KLF12: variants seen among roughly 807,000 people sequenced by gnomAD.
KLF12 encodes KLF transcription factor 12.
In KLF12, 9 loss-of-function variants were observed where a neutral mutation model predicts 37.8. The observed-to-expected ratio is 0.24, with a 90% CI of 0.14 to 0.42. KLF12 has a LOEUF of 0.42. Ranked by LOEUF, KLF12 falls within the 10% of genes least tolerant of loss-of-function variation. The probability of loss-of-function intolerance (pLI) is 1.00; values close to 1 mark genes in which losing one functional copy is unlikely to be tolerated. For missense variants in KLF12, 411 were observed against 516.0 expected (o/e 0.80, Z 1.97); for synonymous variants, 208 against 202.1 (o/e 1.03, Z -0.25).
chr13:73,998,548 T>C (rs1245264802), intron 1 of KLF12, among the ~76,000 whole-genome samples: 1 of 152,248 alleles, frequency 6.6e-6, no homozygotes, highest in Non-Finnish European at 1.5e-5. Flanking sequence ...TCATTAGTTA[T>C]GATCTTGTGT....
At chr13:73,963,942 G>A (rs1186015554) in intron 2 of KLF12, among the ~76,000 whole-genome samples, 1 of 152,188 alleles carries the variant, frequency 6.6e-6, no homozygotes, top group Non-Finnish European at 1.5e-5. Context: ...AATAACAGAT[G>A]AGAAGAAAAC....
the KLF12 span, among the ~76,000 whole-genome samples, chr13:74,242,848 G>A: frequency 6.6e-6 from 1 of 152,164 alleles, no homozygotes; most frequent in South Asian, 2.1e-4. Context: ...TCAGAGCCAC[G>A]TGTACATAGA....
chr13:73,996,904 G>A (rs573986332), intron 1 of KLF12, among the ~76,000 whole-genome samples: 76 of 152,304 alleles, frequency 5.0e-4, no homozygotes, highest in African/African-American at 1.8e-3. Flanking sequence ...GGATGAAACT[G>A]ATCAGAGGTA....
At chr13:74,264,991 A>G in the KLF12 span, among the ~76,000 whole-genome samples, 1 of 152,218 alleles carries the variant, frequency 6.6e-6, no homozygotes, top group Admixed American at 6.5e-5. Context: ...GAAAATTAAG[A>G]TGCCATAAAT....
At chr13:73,700,148 T>C (rs1212490807) in intron 7 of KLF12, among the ~76,000 whole-genome samples, 1 of 151,990 alleles carries the variant, frequency 6.6e-6, no homozygotes, top group East Asian at 1.9e-4. Flanking sequence ...GCATCTGTAG[T>C]CCCAGCTACT....
At chr13:74,051,071 T>C (rs958016408) in intron 1 of KLF12, among the ~76,000 whole-genome samples, 16 of 152,252 alleles carry the variant, frequency 1.1e-4, no homozygotes, top group African/African-American at 3.1e-4. Flanking sequence ...GGGAACCGTT[T>C]TACACTGCTG....
intron 1 of KLF12, among the ~76,000 whole-genome samples, chr13:74,067,416 A>G (rs1339710451): frequency 6.6e-6 from 1 of 152,254 alleles, no homozygotes; most frequent in Non-Finnish European, 1.5e-5. Context: ...AGATATAACA[A>G]AAGCAAAGAC....
chr13:74,136,040 G>C (rs559206325), upstream of KLF12, among the ~76,000 whole-genome samples: 4 of 152,292 alleles, frequency 2.6e-5, no homozygotes, highest in East Asian at 5.8e-4. Flanking sequence ...CTAGAGGAGG[G>C]GTCCCACAGC....
intron 1 of KLF12, among the ~76,000 whole-genome samples, chr13:74,046,539 A>G (rs1411523913): frequency 6.6e-6 from 1 of 152,114 alleles, no homozygotes; most frequent in Non-Finnish European, 1.5e-5. Context: ...TCCATCCAGG[A>G]AAAAAGAAGA....
intron 3 of KLF12, among the ~76,000 whole-genome samples, chr13:73,925,457 G>A (rs1351730615): frequency 6.6e-6 from 1 of 152,156 alleles, no homozygotes. Flanking sequence ...AGTATTTTAA[G>A]CTCACTATTA....
chr13:73,868,331 G>GC (rs1555317374), intron 3 of KLF12, among the ~76,000 whole-genome samples: 1 of 133,202 alleles, frequency 7.5e-6, no homozygotes, highest in Non-Finnish European at 1.6e-5. Flanking sequence ...GGGCGGTGGG[G>GC]GGGGGGGGTG....
At chr13:73,845,573 T>C (rs1458836940) in intron 4 of KLF12, among the ~76,000 whole-genome samples, 1 of 152,178 alleles carries the variant, frequency 6.6e-6, no homozygotes, top group Non-Finnish European at 1.5e-5. Flanking sequence ...AACTTAGATA[T>C]CTGAATTCTA....
intron 1 of KLF12, among the ~76,000 whole-genome samples, chr13:74,002,512 AC>A (rs962465744): frequency 6.6e-5 from 10 of 152,078 alleles, no homozygotes; most frequent in Non-Finnish European, 1.3e-4. Context: ...AGTAGCTGGG[AC>A]TACAGGCTAG....
chr13:74,160,698 A>G, the KLF12 span, among the ~76,000 whole-genome samples: 1 of 152,192 alleles, frequency 6.6e-6, no homozygotes, highest in Non-Finnish European at 1.5e-5. Flanking sequence ...CCAGAAAGGG[A>G]AGAAACCTGT....
At position 73,928,368 on chromosome 13, in the gene KLF12, T is replaced by A. The variant is rs546112680; in HGVS notation, c.123+15613A>T. The stretch of plus-strand genomic sequence containing the variant: ...AAGTGATCATTATGTTTTCATGTGA[T>A]ACATGGTGACCACAATACTCTATTC... On this transcript the variant is annotated intron_variant, in intron 3 of 7. Transcript: ENST00000377669. 4.6e-5 allele frequency among the ~76,000 whole-genome samples: 7 copies of A among 152,370 alleles called. No individual in the cohort carries two copies. The East Asian group carries it at 1.3e-3, about 29-fold the overall frequency.
At chr13:73,734,620 G>A (rs1490713937) in intron 6 of KLF12, among the ~76,000 whole-genome samples, 1 of 151,342 alleles carries the variant, frequency 6.6e-6, no homozygotes, top group Non-Finnish European at 1.5e-5. Flanking sequence ...TCCTTTTTTG[G>A]GGGGGTGGGG....
chr13:73,706,562 A>C (rs1344388122), intron 7 of KLF12, among the ~76,000 whole-genome samples: 1 of 152,194 alleles, frequency 6.6e-6, no homozygotes. Flanking sequence ...TAAGTGCTAC[A>C]CCTGCAAAAC....
At chr13:74,286,554 T>G in the KLF12 span, among the ~76,000 whole-genome samples, 1 of 152,230 alleles carries the variant, frequency 6.6e-6, no homozygotes, top group Non-Finnish European at 1.5e-5. Context: ...ATACCATCCA[T>G]GCAGTCTTTT....
chr13:73,819,600 G>A (rs1234493308), intron 4 of KLF12, among the ~76,000 whole-genome samples: 1 of 152,174 alleles, frequency 6.6e-6, no homozygotes, highest in Non-Finnish European at 1.5e-5. Flanking sequence ...GAAAAAGAGT[G>A]AACAGATTAA....
Sources: allele counts gnomAD v4.1 joint callset (sites outside exome capture counted in the v4.1 genomes callset), GRCh38; gene constraint gnomAD v4.1.1; transcripts MANE v1.5; gene names NCBI Gene and HGNC (gene_info 2026-07-23, HGNC 2026-07-21).